The following BCL7A variants were observed in gnomAD, a reference collection of about 807,000 sequenced individuals.
BCL7A encodes BAF chromatin remodeling complex subunit BCL7A.
A neutral mutation model predicts 28.4 loss-of-function variants in BCL7A; 11 were observed. That is an observed-to-expected ratio of 0.39 (90% CI 0.24 to 0.64). The LOEUF (loss-of-function observed/expected upper bound fraction) is 0.64, where lower values mean the gene tolerates loss of function less well. Among genes scored for constraint, BCL7A ranks in the 30% least tolerant of loss-of-function variants. The pLI is 0.50. For missense variants in BCL7A, 222 were observed against 274.8 expected (o/e 0.81, Z 1.36); for synonymous variants, 123 against 103.3 (o/e 1.19, Z -1.15).
intron 1 of BCL7A, among the ~76,000 whole-genome samples, chr12:122,025,932 G>A (rs1242356308): frequency 8.4e-6 from 1 of 119,638 alleles, no homozygotes; most frequent in East Asian, 3.0e-4. Context: ...GAGCAACAGA[G>A]CAAGACTCCA....
At chr12:122,049,051 TATAC>T (rs59778128) in intron 4 of BCL7A, among the ~76,000 whole-genome samples, 38,407 of 116,162 alleles carry the variant, frequency 0.33, 6,359 homozygotes, top group Middle Eastern at 0.4. Context: ...TATATATATA[TATAC>T]ATATACACAC....
chr12:122,061,544 C>G lies in BCL7A; in HGVS notation c.*2381C>G, dbSNP rs901948664. ...TTCCTTCCCTGGCGCAGTCGCTCCT[C>G]GAGCCGCTGCCCCCCACCCACCCTG... is the stretch of plus-strand genomic sequence containing the variant. On this transcript the variant is annotated 3_prime_UTR_variant, in exon 6 of 6. Transcript: ENST00000261822. The G allele has an allele frequency of 4.3e-5, 10 of 230,946 alleles. No individual in the cohort carries two copies. The highest frequency in any genetic ancestry group is 3.4e-5 in the Non-Finnish European group (4 of 116,604). The allele number at this position is 230,946 out of a possible 1,614,324, so 14.3% of individuals were successfully genotyped here. A position where few individuals can be genotyped will look rare whatever the true frequency, so the allele number is the denominator to read the frequency against.
At chr12:122,036,030 G>A (rs569686639) in intron 3 of BCL7A, among the ~76,000 whole-genome samples, 162 of 152,060 alleles carry the variant, frequency 1.1e-3, no homozygotes, top group African/African-American at 3.7e-3. Flanking sequence ...TTAGTAAGAC[G>A]GGGTTCCACC....
intron 3 of BCL7A, among the ~76,000 whole-genome samples, chr12:122,039,544 ATATAAT>A (rs1883927879): frequency 7.0e-6 from 1 of 143,824 alleles, no homozygotes; most frequent in African/African-American, 2.6e-5. Context: ...ATAATATATA[ATATAAT>A]TATAGTAAAT....
At chr12:122,036,022 A>G (rs1281217175) in intron 3 of BCL7A, among the ~76,000 whole-genome samples, 1 of 151,970 alleles carries the variant, frequency 6.6e-6, no homozygotes, top group African/African-American at 2.4e-5. Context: ...TGTATTTTTT[A>G]GTAAGACGGG....
intron 3 of BCL7A, among the ~76,000 whole-genome samples, chr12:122,038,602 C>T (rs1007922863): frequency 2.6e-5 from 4 of 152,044 alleles, no homozygotes; most frequent in African/African-American, 9.7e-5. Flanking sequence ...CCTTAGCATC[C>T]CCTTTCCCTC....
At chr12:122,052,882 G>C (rs569816194) in intron 4 of BCL7A, among the ~76,000 whole-genome samples, 2 of 94,532 alleles carry the variant, frequency 2.1e-5, no homozygotes, top group African/African-American at 7.8e-5. Flanking sequence ...GGGGGGGGGG[G>C]GTTTGCCATG....
At position 122,032,953 on chromosome 12, in the gene BCL7A, G is replaced by C. The variant is rs6486796; in HGVS notation, c.174+2172G>C. On this transcript the variant is annotated intron_variant, in intron 2 of 5. Coordinates refer to ENST00000261822, the MANE Select transcript of BCL7A (RefSeq NM_001024808.3). Reference sequence around the variant, plus strand: ...CAGCCGCTGAGTCTCTGCAGGTTGAGGCTGGGAATCTGCCTTGTGGAGGGA... The same window carrying C: ...CAGCCGCTGAGTCTCTGCAGGTTGACGCTGGGAATCTGCCTTGTGGAGGGA... Among the ~76,000 whole-genome samples the C allele has an allele frequency of 8.7e-3, 1,322 of 152,228 alleles. 19 individuals are homozygous for C. Among genetic ancestry groups the C allele is most frequent in the African/African-American group, 0.03 (1,249 of 41,512 alleles).
intron 5 of BCL7A, among the ~76,000 whole-genome samples, chr12:122,058,066 A>C (rs1370224404): frequency 6.6e-6 from 1 of 150,660 alleles, no homozygotes; most frequent in Non-Finnish European, 1.5e-5. Flanking sequence ...GCATGGTGGC[A>C]CATGCATATA....
chr12:122,048,741 C>T (rs748170253), intron 4 of BCL7A, among the ~76,000 whole-genome samples: 17 of 151,382 alleles, frequency 1.1e-4, no homozygotes, highest in African/African-American at 2.4e-4. Flanking sequence ...AAAATTAGGC[C>T]GGGCACAGTG....
chr12:122,053,939 G>T (rs1477909483), intron 4 of BCL7A, among the ~76,000 whole-genome samples: 1 of 152,160 alleles, frequency 6.6e-6, no homozygotes, highest in Non-Finnish European at 1.5e-5. Flanking sequence ...GGAGGGAGGG[G>T]AAACTGGAAA....
At chr12:122,023,099 C>T (rs1008679809) in intron 1 of BCL7A, among the ~76,000 whole-genome samples, 1 of 152,198 alleles carries the variant, frequency 6.6e-6, no homozygotes, top group African/African-American at 2.4e-5. Context: ...CGGCGTGGCC[C>T]GGTCGACATT....
intron 3 of BCL7A, among the ~76,000 whole-genome samples, chr12:122,041,765 A>G (rs1038707337): frequency 1.3e-5 from 2 of 152,066 alleles, no homozygotes; most frequent in Non-Finnish European, 2.9e-5. Flanking sequence ...CCCTGTCTCT[A>G]AAAATAAAAA....
Position 122,052,797 on chromosome 12 carries a change from C to T in BCL7A, c.440-2008C>T, listed in dbSNP as rs549806478. 7.4e-5 allele frequency among the ~76,000 whole-genome samples: 11 copies of T among 148,748 alleles called. No individual in the cohort carries two copies. In the Admixed American group the frequency reaches 7.5e-4, roughly 10 times the overall value. On this transcript the variant is annotated intron_variant, in intron 4 of 5. Coordinates refer to ENST00000261822, the MANE Select transcript of BCL7A (RefSeq NM_001024808.3). ...TCCTGGGTTTATGGGATTCTCCTGC[C>T]TCAGCCTCCCAAGTAGCTGGGATTA...
At chr12:122,025,123 G>A (rs960053727) in intron 1 of BCL7A, among the ~76,000 whole-genome samples, 13 of 152,158 alleles carry the variant, frequency 8.5e-5, no homozygotes, top group Non-Finnish European at 1.9e-4. Context: ...TTGGGAAACT[G>A]GGCCAGGGTT....
At chr12:122,049,236 A>AAAG (rs1884142823) in intron 4 of BCL7A, among the ~76,000 whole-genome samples, 1 of 149,550 alleles carries the variant, frequency 6.7e-6, no homozygotes, top group Admixed American at 6.7e-5. Flanking sequence ...AAAAAAAAAA[A>AAAG]AAAAAAGAGA....
intron 2 of BCL7A, among the ~76,000 whole-genome samples, chr12:122,033,218 C>T (rs1007906861): frequency 2.0e-5 from 3 of 151,942 alleles, no homozygotes; most frequent in Non-Finnish European, 4.4e-5. Flanking sequence ...TCACTGCAGC[C>T]TCGACCTCCT....
chr12:122,050,584 G>A (rs1297681806), intron 4 of BCL7A, among the ~76,000 whole-genome samples: 2 of 152,172 alleles, frequency 1.3e-5, no homozygotes, highest in African/African-American at 2.4e-5. Context: ...GGGGGCTGTG[G>A]TCACATACAG....
Position 122,054,823 on chromosome 12 carries a change from A to G in BCL7A, c.458A>G (p.Asn153Ser). Residue 153 changes from asparagine to serine, a missense_variant, in exon 5 of 6, where the codon AAT becomes AGT. Asn to Ser is a conservative substitution (Grantham distance 46, BLOSUM62 1). Around this residue, in one of 2 missense-constraint regions of BCL7A, gnomAD observed 155 missense variants for 145.7 expected, o/e 1.06. Coordinates refer to ENST00000261822, the MANE Select transcript of BCL7A (RefSeq NM_001024808.3). ...CCCTCAGATGCTTCTGATGAGCAGAATTCACAGTCCTCGATGGAACATTCG... is the reference window on the plus strand; with the variant it reads ...CCCTCAGATGCTTCTGATGAGCAGAGTTCACAGTCCTCGATGGAACATTCG... ...PGAEDASDEQ[N>S]SQSSMEHSMN... 6.2e-7 allele frequency: 1 copy of G among 1,614,110 alleles called. No homozygotes were observed.
Sources: gnomAD v4.1 joint callset for allele counts (sites outside exome capture counted in the v4.1 genomes callset) on GRCh38, gnomAD v4.1.1 for gene constraint, gnomAD v4.1.1 regional missense constraint, MANE v1.5 for transcripts, NCBI Gene and HGNC (gene_info 2026-07-23, HGNC 2026-07-21) for gene names.